SYN1: variants seen among roughly 807,000 people sequenced by gnomAD.
SYN1 encodes the protein synapsin-1.
In SYN1, 8 loss-of-function variants were observed where a neutral mutation model predicts 44.6. The observed-to-expected ratio is 0.18, with a 90% CI of 0.11 to 0.32. The LOEUF (loss-of-function observed/expected upper bound fraction) is 0.32. SYN1 is among the 10% of genes least tolerant of loss of function. The probability of loss-of-function intolerance (pLI) is 1.00; values close to 1 mark genes in which losing one functional copy is unlikely to be tolerated. For synonymous variants in SYN1, 275 were observed against 280.1 expected (o/e 0.98, Z 0.18); for missense variants, 451 against 639.4 (o/e 0.71, Z 3.18).
chrX:47,612,350 C>G (rs2057918918), intron 1 of SYN1, among the ~76,000 whole-genome samples: 1 of 110,322 alleles, frequency 9.1e-6, no homozygotes. Context: ...CTGGGCCCGC[C>G]AAATAATAAA....
chrX:47,585,398 A>T, intron 5 of SYN1: 1 of 1,201,685 alleles, frequency 8.3e-7, no homozygotes, highest in Non-Finnish European at 1.1e-6. Context: ...AGCAACCACG[A>T]GGGGGCGAGG....
At chrX:47,599,684 A>T (rs1206862601) in intron 5 of SYN1, among the ~76,000 whole-genome samples, 1 of 112,468 alleles carries the variant, frequency 8.9e-6, no homozygotes, top group African/African-American at 3.2e-5. Flanking sequence ...AGTGATGTGA[A>T]AATAATAATA....
intron 5 of SYN1, among the ~76,000 whole-genome samples, chrX:47,603,251 C>T (rs767826350): frequency 1.3e-4 from 14 of 110,848 alleles, no homozygotes; most frequent in South Asian, 3.8e-4. Context: ...GGTTGGGATG[C>T]GGTGGTGCTA....
chrX:47,580,991 A>C (rs2057796308), intron 5 of SYN1, among the ~76,000 whole-genome samples: 1 of 111,625 alleles, frequency 9.0e-6, no homozygotes, highest in Non-Finnish European at 1.9e-5. Flanking sequence ...GATATATTAC[A>C]TAGTGGTGAA....
At chrX:47,585,541 AG>A (rs757320030) in intron 5 of SYN1, 2 of 1,200,437 alleles carry the variant, frequency 1.7e-6, no homozygotes, top group Non-Finnish European at 2.2e-6. Context: ...CTTTCTCCTT[AG>A]GAAAACTGCA....
chrX:47,586,431 G>A (rs2057826906), intron 5 of SYN1: 6 of 1,140,727 alleles, frequency 5.3e-6, no homozygotes, highest in Non-Finnish European at 5.8e-6. Flanking sequence ...TCTCCCCAGC[G>A]GCTCAGTGTT....
At chrX:47,573,079 C>T in intron 12 of SYN1, 80 bp from the exon 13 acceptor site, 4 of 1,135,807 alleles carry the variant, frequency 3.5e-6, no homozygotes, top group Non-Finnish European at 4.8e-6. Context: ...AACGTTACCC[C>T]AGGCCCAGCC....
rs749217541 is a variant in SYN1 at position 47,606,949 on chromosome X, C to T, written c.523G>A (p.Val175Met). ...AGGTACCCTTCTTATACTCACCGCA[C>T]GACCTTCACCCCATTCCGAAGAACT... The part of the protein sequence containing the change: ...MEVLRNGVKV[V>M]RSLKPDFVLI... The change falls in exon 3 of 13, where the codon GTG becomes ATG. Residue 175 changes from valine to methionine, a missense_variant. Val to Met is a conservative substitution (Grantham distance 21, BLOSUM62 1). Transcript: ENST00000295987. 4.1e-6 allele frequency: 5 copies of T among 1,208,652 alleles called. No homozygotes were observed. Among genetic ancestry groups the T allele is most frequent in the Admixed American group, 2.2e-5 (1 of 45,835 alleles).
At chrX:47,587,934 C>T (rs748852077) in intron 5 of SYN1, among the ~76,000 whole-genome samples, 11 of 111,414 alleles carry the variant, frequency 9.9e-5, no homozygotes, top group Non-Finnish European at 1.3e-4. Flanking sequence ...CCCAAATTCC[C>T]TCTCATCAGA....
chrX:47,591,420 G>A (rs1368901586), intron 5 of SYN1, among the ~76,000 whole-genome samples: 1 of 111,769 alleles, frequency 8.9e-6, no homozygotes, highest in African/African-American at 3.3e-5. Flanking sequence ...GCAGGACAGA[G>A]ATATGAAATG....
intron 5 of SYN1, among the ~76,000 whole-genome samples, chrX:47,601,210 A>G (rs2057878713): frequency 8.9e-6 from 1 of 111,936 alleles, no homozygotes; most frequent in Non-Finnish European, 1.9e-5. Flanking sequence ...CTGACCTTAC[A>G]GAAATAAAAA....
chrX:47,609,964 T>A (rs961980846), intron 1 of SYN1, among the ~76,000 whole-genome samples: 1 of 111,527 alleles, frequency 9.0e-6, no homozygotes, highest in African/African-American at 3.3e-5. Flanking sequence ...TGGTGAAATA[T>A]CCCTGGAACT....
intron 5 of SYN1, among the ~76,000 whole-genome samples, chrX:47,600,713 T>C (rs775673296): frequency 1.8e-5 from 2 of 111,877 alleles, no homozygotes; most frequent in African/African-American, 6.5e-5. Flanking sequence ...GGAATGAAAT[T>C]AGACATCAAA....
chrX:47,610,420 T>C (rs188403854), intron 1 of SYN1, among the ~76,000 whole-genome samples: 55 of 109,240 alleles, frequency 5.0e-4, no homozygotes, highest in African/African-American at 1.6e-3. Flanking sequence ...CCTCGGATGA[T>C]GCAGGTGCTT....
intron 5 of SYN1, among the ~76,000 whole-genome samples, chrX:47,604,363 C>T (rs2057889835): frequency 9.0e-6 from 1 of 110,783 alleles, no homozygotes; most frequent in Non-Finnish European, 1.9e-5. Context: ...AGTGATTCTC[C>T]TGCCTCAGCC....
Position 47,619,516 on chromosome X carries a change from C to T in SYN1, c.213G>A (p.Ser71=), listed in dbSNP as rs774873821. The change falls in exon 1 of 13, where the codon TCG becomes TCA. Residue 71 remains serine (S), a synonymous_variant. Transcript: ENST00000295987. ...ASPAAPSPGS[S]GGGGFFSSLS... is the part of the protein sequence containing the mutation. ...GCGACGAGAAGAAGCCACCGCCCCC[C>T]GAGGACCCGGGGCTAGGGGCGGCCG... 6.7e-6 allele frequency: 8 copies of T among 1,196,335 alleles called. No individual in the cohort carries two copies. Among genetic ancestry groups the T allele is most frequent in the Non-Finnish European group, 9.0e-6 (8 of 891,392 alleles).
intron 5 of SYN1, among the ~76,000 whole-genome samples, chrX:47,598,690 G>A (rs1215481274): frequency 9.0e-6 from 1 of 111,704 alleles, no homozygotes; most frequent in African/African-American, 3.3e-5. Context: ...AGCTGGGTGT[G>A]GTGGCAGGCA....
At chrX:47,614,476 C>A (rs1317118712) in intron 1 of SYN1, among the ~76,000 whole-genome samples, 4 of 111,421 alleles carry the variant, frequency 3.6e-5, no homozygotes, top group Non-Finnish European at 7.5e-5. Context: ...ACGTTGAAAT[C>A]AACTGCAGCA....
At position 47,585,539 on chromosome X, in the gene SYN1, T is replaced by A. The variant is rs373552490; in HGVS notation, c.775-8038A>T. ...GTCGGTCCCCGCCCCGCCTTTCTCC[T>A]TAGGAAAACTGCAGGATGGACTCTT... On this transcript the variant is annotated intron_variant, in intron 5 of 12. Transcript: ENST00000295987. 3.2e-4 allele frequency: 381 copies of A among 1,198,220 alleles called. No individual in the cohort carries two copies. The Middle Eastern group carries it at 3.5e-3, about 11-fold the overall frequency.
Sources: allele counts gnomAD v4.1 joint callset (sites outside exome capture counted in the v4.1 genomes callset), GRCh38; gene constraint gnomAD v4.1.1; transcripts MANE v1.5; gene names NCBI Gene and HGNC (gene_info 2026-07-23, HGNC 2026-07-21).